The following CARMIL1 variants were observed in gnomAD, a reference collection of about 807,000 sequenced individuals.
The protein encoded by CARMIL1 is capping protein regulator and myosin 1 linker 1.
In CARMIL1, 90 loss-of-function variants were observed where a neutral mutation model predicts 177.1. That is an observed-to-expected ratio of 0.51 (90% CI 0.43 to 0.61). The LOEUF is 0.61. CARMIL1 is among the 20% of genes least tolerant of loss of function. CARMIL1 has a pLI of 0.00. For missense variants in CARMIL1, 1,380 were observed against 1,667.0 expected (o/e 0.83, Z 3.00); for synonymous variants, 577 against 606.2 (o/e 0.95, Z 0.71).
intron 13 of CARMIL1, among the ~76,000 whole-genome samples, chr6:25,490,094 G>A (rs1269871795): frequency 1.3e-5 from 2 of 152,204 alleles, no homozygotes; most frequent in Non-Finnish European, 2.9e-5. Flanking sequence ...GTGAGAGTGG[G>A]CTGGAGGGGA....
intron 2 of CARMIL1, among the ~76,000 whole-genome samples, chr6:25,288,208 A>G (rs573531372): frequency 6.6e-6 from 1 of 152,270 alleles, no homozygotes; most frequent in Non-Finnish European, 1.5e-5. Context: ...GGACAAAGGG[A>G]ACAGAATACG....
At chr6:25,581,923 C>T (rs778971220) in intron 31 of CARMIL1, among the ~76,000 whole-genome samples, 8 of 152,194 alleles carry the variant, frequency 5.3e-5, no homozygotes, top group Non-Finnish European at 1.0e-4. Flanking sequence ...GTGGGAGCCC[C>T]AGTGTGTGAC....
intron 35 of CARMIL1, among the ~76,000 whole-genome samples, chr6:25,607,241 T>G (rs1816062490): frequency 2.0e-5 from 3 of 151,338 alleles, no homozygotes; most frequent in Non-Finnish European, 4.4e-5. Flanking sequence ...TAACTTACCA[T>G]TATAAGAATT....
In CARMIL1 at chr6:25,296,595, ATC is replaced by A. The variant is rs558557136; in HGVS notation, c.138+11692_138+11693del. Among the ~76,000 whole-genome samples, 12 of 152,264 alleles carry A rather than the reference ATC, an allele frequency of 7.9e-5. No individual in the cohort carries two copies. In the East Asian group the frequency reaches 2.3e-3, roughly 29 times the overall value. ...AACCTTGCAAGGTTCTTTTAAGGCA[ATC>A]TCTCTGCTCTTTGATGCCTAACCTT... On this transcript the variant is annotated intron_variant, in intron 2 of 36. Transcript: ENST00000329474.
chr6:25,559,426 T>A (rs1269699136), intron 29 of CARMIL1, among the ~76,000 whole-genome samples: 1 of 152,224 alleles, frequency 6.6e-6, no homozygotes, highest in Non-Finnish European at 1.5e-5. Flanking sequence ...AGCATTTCTA[T>A]CTTAAGTGAT....
At chr6:25,314,055 G>A (rs181494223) in intron 2 of CARMIL1, among the ~76,000 whole-genome samples, 93 of 150,778 alleles carry the variant, frequency 6.2e-4, no homozygotes, top group African/African-American at 2.2e-3. Context: ...AATGTGCTAT[G>A]TTAAAGGATA....
intron 17 of CARMIL1, among the ~76,000 whole-genome samples, chr6:25,508,260 A>G (rs1175211782): frequency 2.6e-5 from 4 of 152,296 alleles, no homozygotes; most frequent in South Asian, 4.1e-4. Context: ...AGTCTTGACA[A>G]TAGCTTCACA....
chr6:25,382,345 G>A (rs1791632520), intron 2 of CARMIL1, among the ~76,000 whole-genome samples: 2 of 152,210 alleles, frequency 1.3e-5, no homozygotes, highest in Admixed American at 1.3e-4. Context: ...TGTGTCCGGA[G>A]TTGGTTCCTT....
intron 26 of CARMIL1, among the ~76,000 whole-genome samples, chr6:25,543,943 T>C (rs1389694350): frequency 6.6e-6 from 1 of 152,140 alleles, no homozygotes; most frequent in Non-Finnish European, 1.5e-5. Flanking sequence ...CTAAGTACCA[T>C]TAGTTATTTT....
In CARMIL1 at chr6:25,610,042, C is replaced by T. The variant is rs374871707; in HGVS notation, c.3848-8C>T. 152 of 1,610,668 alleles carry T rather than the reference C, an allele frequency of 9.4e-5. 1 individual carries two copies. The South Asian group carries it at 1.1e-3, about 11-fold the overall frequency. ...AACAGTTTGATTCACGTGTTTGTGTCTCCTTAGATGACATTCCAGACTCTC... is the reference window on the plus strand; with the variant it reads ...AACAGTTTGATTCACGTGTTTGTGTTTCCTTAGATGACATTCCAGACTCTC... On this transcript the variant is annotated splice_polypyrimidine_tract_variant and splice_region_variant and intron_variant, in intron 35 of 36. Transcript: ENST00000329474.
intron 36 of CARMIL1, among the ~76,000 whole-genome samples, chr6:25,610,624 C>G (rs1013491469): frequency 1.3e-5 from 2 of 152,184 alleles, no homozygotes; most frequent in Admixed American, 1.3e-4. Context: ...CCTTGCAGCT[C>G]ACTGTGCTCG....
At chr6:25,420,991 C>T (rs1562113905) in intron 3 of CARMIL1, among the ~76,000 whole-genome samples, 1 of 152,138 alleles carries the variant, frequency 6.6e-6, no homozygotes, top group East Asian at 1.9e-4. Flanking sequence ...ATTATTATCC[C>T]CTTTATTGAT....
intron 2 of CARMIL1, among the ~76,000 whole-genome samples, chr6:25,388,743 C>T (rs1792438270): frequency 6.6e-6 from 1 of 152,010 alleles, no homozygotes; most frequent in African/African-American, 2.4e-5. Flanking sequence ...GATCATAGCT[C>T]ACTGCAGCCT....
intron 8 of CARMIL1, chr6:25,452,343 G>A: frequency 1.5e-6 from 1 of 662,754 alleles, no homozygotes; most frequent in Admixed American, 2.5e-5. Flanking sequence ...AACTGAGAAA[G>A]AAAAAGGGAA....
At chr6:25,392,046 G>A (rs201467100) in intron 2 of CARMIL1, among the ~76,000 whole-genome samples, 1 of 133,458 alleles carries the variant, frequency 7.5e-6, no homozygotes, top group East Asian at 2.1e-4. Flanking sequence ...GCATGTGTGT[G>A]TATATGCATG....
intron 8 of CARMIL1, among the ~76,000 whole-genome samples, chr6:25,464,310 G>A (rs1408783751): frequency 6.6e-6 from 1 of 151,876 alleles, no homozygotes; most frequent in East Asian, 1.9e-4. Context: ...TATTGAAACT[G>A]CACACATGTG....
chr6:25,368,039 C>T (rs113460997), intron 2 of CARMIL1, among the ~76,000 whole-genome samples: 2 of 152,138 alleles, frequency 1.3e-5, no homozygotes, highest in African/African-American at 4.8e-5. Flanking sequence ...GGATTACAGG[C>T]GTGAGCCACC....
At chr6:25,576,222 G>T (rs773988107) in intron 29 of CARMIL1, among the ~76,000 whole-genome samples, 7 of 152,040 alleles carry the variant, frequency 4.6e-5, no homozygotes, top group Non-Finnish European at 5.9e-5. Flanking sequence ...GAATTATTTA[G>T]AGATTTTTTT....
chr6:25,283,211 T>C (rs1040981937), intron 1 of CARMIL1, among the ~76,000 whole-genome samples: 6 of 152,196 alleles, frequency 3.9e-5, no homozygotes, highest in Non-Finnish European at 5.9e-5. Context: ...AGACCTTGAA[T>C]GGCATGCCAT....
Sources: gnomAD v4.1 joint callset for allele counts (sites outside exome capture counted in the v4.1 genomes callset) on GRCh38, gnomAD v4.1.1 for gene constraint, MANE v1.5 for transcripts, NCBI Gene and HGNC (gene_info 2026-07-23, HGNC 2026-07-21) for gene names.